The following MND1 variants were observed in gnomAD, a reference collection of about 807,000 sequenced individuals.
MND1 encodes the protein meiotic nuclear division protein 1 homolog.
In MND1, 28 loss-of-function variants were observed where a neutral mutation model predicts 35.1. The ratio of observed to expected loss-of-function variants is 0.80; its 90% confidence interval spans 0.59 to 1.09. The LOEUF (loss-of-function observed/expected upper bound fraction) is 1.09. MND1 is among the 50% of genes least tolerant of loss of function. The pLI is 0.00. For synonymous variants in MND1, 69 were observed against 70.5 expected, an observed-to-expected ratio of 0.98 and a Z score of 0.11; for missense variants, 213 against 239.6, an observed-to-expected ratio of 0.89 and a Z score of 0.73.
intron 6 of MND1, among the ~76,000 whole-genome samples, chr4:153,403,355 A>G (rs72969113): frequency 0.031 from 4,764 of 152,302 alleles, 266 homozygotes; most frequent in African/African-American, 0.11. Context: ...ATGTCGCAGC[A>G]CATGCAAACC....
chr4:153,404,561 G>A lies in MND1; in HGVS notation c.467-4410G>A, dbSNP rs186142400. The stretch of plus-strand genomic sequence containing the variant: ...GCGATCTCGGCTCACTACAACCTCC[G>A]CCTCCCTGGTTCAAGCAATTCTCCT... On this transcript the variant is annotated intron_variant, in intron 6 of 7. Coordinates refer to ENST00000240488, the MANE Select transcript of MND1 (RefSeq NM_032117.4). Among the ~76,000 whole-genome samples the A allele has an allele frequency of 4.4e-3, 667 of 150,432 alleles. 8 individuals carry two copies. The highest frequency in any genetic ancestry group is 0.015 in the African/African-American group (632 of 40,884).
At chr4:153,353,568 T>C (rs1212099953) in intron 2 of MND1, among the ~76,000 whole-genome samples, 1 of 151,504 alleles carries the variant, frequency 6.6e-6, no homozygotes, top group Non-Finnish European at 1.5e-5. Context: ...TATTTTAATC[T>C]AGTTGGTATT....
intron 3 of MND1, 69 bp from the exon 4 acceptor site, chr4:153,358,405 C>T: frequency 7.5e-7 from 1 of 1,329,710 alleles, no homozygotes; most frequent in Non-Finnish European, 1.0e-6. Context: ...AGTGTTTCCC[C>T]AGTTATTTGT....
In MND1 at chr4:153,345,162, G is replaced by GCT. The variant is rs67895692; in HGVS notation, c.3+423_3+424insTC. ...TCCAGCTTCGGCCCCGCGTGGTGTA[G>GCT]CCCCCCCCATTAAGAACGGGGAGAG... is the stretch of plus-strand genomic sequence containing the variant. On this transcript the variant is annotated intron_variant, in intron 1 of 7. Coordinates refer to ENST00000240488, the MANE Select transcript of MND1 (RefSeq NM_032117.4). Among the ~76,000 whole-genome samples, 28 of 152,136 alleles carry GCT rather than the reference G, an allele frequency of 1.8e-4. 1 individual carries two copies. Among genetic ancestry groups the GCT allele is most frequent in the African/African-American group, 6.7e-4 (28 of 41,524 alleles).
intron 4 of MND1, among the ~76,000 whole-genome samples, chr4:153,382,365 C>T (rs1728734654): frequency 6.6e-6 from 1 of 152,212 alleles, no homozygotes; most frequent in South Asian, 2.1e-4. Flanking sequence ...GGGTTGCTCA[C>T]AACTCTTGAG....
At chr4:153,411,780 G>T (rs1729691301) in intron 7 of MND1, among the ~76,000 whole-genome samples, 2 of 152,112 alleles carry the variant, frequency 1.3e-5, no homozygotes, top group Non-Finnish European at 1.5e-5. Flanking sequence ...TATTCATGAA[G>T]CCTATCCTGT....
chr4:153,349,350 T>A (rs1407255413), intron 1 of MND1, among the ~76,000 whole-genome samples: 2 of 152,156 alleles, frequency 1.3e-5, no homozygotes, highest in Non-Finnish European at 2.9e-5. Context: ...GCTGCTATAA[T>A]TAACTTAACG....
intron 4 of MND1, among the ~76,000 whole-genome samples, chr4:153,392,660 C>A (rs1468918330): frequency 6.6e-6 from 1 of 152,114 alleles, no homozygotes; most frequent in Non-Finnish European, 1.5e-5. Context: ...GAAAAGAAGC[C>A]AACACTCTGA....
chr4:153,380,205 TAGG>T (rs1668281651), intron 4 of MND1, among the ~76,000 whole-genome samples: 1 of 152,310 alleles, frequency 6.6e-6, no homozygotes, highest in East Asian at 1.9e-4. Context: ...GCTTAAATAA[TAGG>T]AGTTGATTAT....
At chr4:153,402,815 C>T (rs889924248) in intron 6 of MND1, among the ~76,000 whole-genome samples, 14 of 152,144 alleles carry the variant, frequency 9.2e-5, no homozygotes, top group African/African-American at 3.1e-4. Flanking sequence ...CTCAGTTAAC[C>T]ATTGTTGATG....
At chr4:153,346,648 C>G (rs1287881295) in intron 1 of MND1, among the ~76,000 whole-genome samples, 5 of 152,088 alleles carry the variant, frequency 3.3e-5, no homozygotes, top group Admixed American at 3.3e-4. Flanking sequence ...ATAAATCAGC[C>G]TGAAAACAAG....
intron 4 of MND1, among the ~76,000 whole-genome samples, chr4:153,374,952 A>G (rs893828914): frequency 2.0e-5 from 3 of 152,148 alleles, no homozygotes; most frequent in Non-Finnish European, 4.4e-5. Flanking sequence ...CAATAAAAAA[A>G]TAATAGAATA....
intron 5 of MND1, 55 bp downstream of exon 5, chr4:153,394,391 A>C: frequency 7.4e-7 from 1 of 1,355,620 alleles, no homozygotes; most frequent in Non-Finnish European, 1.0e-6. Context: ...TATTAGAGTA[A>C]GCGACACAGA....
At chr4:153,410,013 C>T (rs1441826177) in intron 7 of MND1, among the ~76,000 whole-genome samples, 2 of 152,148 alleles carry the variant, frequency 1.3e-5, no homozygotes, top group South Asian at 2.1e-4. Context: ...GTGGGAGGAA[C>T]GTGGCTTTGA....
chr4:153,355,179 T>C (rs1773310257), intron 2 of MND1, among the ~76,000 whole-genome samples: 3 of 151,904 alleles, frequency 2.0e-5, no homozygotes, highest in Non-Finnish European at 4.4e-5. Context: ...AAAAATTGTA[T>C]ATATATGCAA....
intron 4 of MND1, among the ~76,000 whole-genome samples, chr4:153,362,066 T>A (rs1773509663): frequency 6.6e-6 from 1 of 152,254 alleles, no homozygotes; most frequent in Non-Finnish European, 1.5e-5. Context: ...TCTAATCTGC[T>A]ACTTAGCTGT....
At chr4:153,355,394 T>C (rs1773315572) in intron 2 of MND1, among the ~76,000 whole-genome samples, 1 of 152,110 alleles carries the variant, frequency 6.6e-6, no homozygotes, top group African/African-American at 2.4e-5. Context: ...CTATAGTTAA[T>C]AATATATTGT....
At chr4:153,349,961 T>G (rs1773171489) in intron 1 of MND1, 103 bp from the exon 2 acceptor site, 1 of 732,096 alleles carries the variant, frequency 1.4e-6, no homozygotes, top group African/African-American at 1.8e-5. Flanking sequence ...TCAAACCTGT[T>G]GGCATCAGAT....
In MND1 at chr4:153,380,760, T is replaced by G. The variant is rs116791663; in HGVS notation, c.277-13502T>G. On this transcript the variant is annotated intron_variant, in intron 4 of 7. Coordinates refer to ENST00000240488, the MANE Select transcript of MND1 (RefSeq NM_032117.4). ...AGAATTAGATATATAATTGTTGAAA[T>G]TAAACGACTCAAAGATTGTGGGGGG... Among the ~76,000 whole-genome samples the G allele has an allele frequency of 4.1e-3, 625 of 152,298 alleles. 2 individuals are homozygous for G. Among genetic ancestry groups the G allele is most frequent in the African/African-American group, 0.014 (592 of 41,560 alleles).
Sources: allele counts gnomAD v4.1 joint callset (sites outside exome capture counted in the v4.1 genomes callset), GRCh38; gene constraint gnomAD v4.1.1; transcripts MANE v1.5; gene names NCBI Gene and HGNC (gene_info 2026-07-23, HGNC 2026-07-21).